Variants in CDH8 observed in about 807,000 individuals in gnomAD.
The protein encoded by CDH8 is cadherin 8.
CDH8 carries 17 observed loss-of-function variants against 68.1 expected under a neutral mutation model. The observed-to-expected ratio is 0.25, with a 90% CI of 0.17 to 0.37. CDH8 has a LOEUF of 0.37. CDH8 is among the 10% of genes least tolerant of loss of function. The pLI, the probability that CDH8 is intolerant of heterozygous loss-of-function variation, is 1.00. For synonymous variants in CDH8, 372 were observed against 365.1 expected, an observed-to-expected ratio of 1.02 and a Z score of -0.21; for missense variants, 763 against 999.3, an observed-to-expected ratio of 0.76 and a Z score of 3.19.
intron 4 of CDH8, among the ~76,000 whole-genome samples, chr16:61,827,056 G>A (rs899483597): frequency 6.6e-6 from 1 of 151,810 alleles, no homozygotes; most frequent in Admixed American, 6.6e-5. Context: ...TCTGAGGCAT[G>A]TTTGAGAAGA....
chr16:61,945,391 C>T (rs533478193), intron 2 of CDH8, among the ~76,000 whole-genome samples: 121 of 146,986 alleles, frequency 8.2e-4, no homozygotes, highest in Admixed American at 7.9e-3. Flanking sequence ...AAGCCTCAAT[C>T]AGTCCTGCCA....
chr16:61,757,667 A>C (rs1225818409), intron 8 of CDH8, among the ~76,000 whole-genome samples: 1 of 152,116 alleles, frequency 6.6e-6, no homozygotes, highest in Non-Finnish European at 1.5e-5. Context: ...GGGGTACTTC[A>C]TCTTGGAATG....
rs1157007174 is a variant in CDH8 at position 61,904,108 on chromosome 16, A to G, written c.253-2635T>C. ...TCATCCTATTATTTGTATCACACAC[A>G]CTGACACACACAGACATGTACATAC... On this transcript the variant is annotated intron_variant, in intron 2 of 11. Coordinates refer to ENST00000577390, the MANE Select transcript of CDH8 (RefSeq NM_001796.5). Among the ~76,000 whole-genome samples, 3 of 152,336 alleles carry G rather than the reference A, an allele frequency of 2.0e-5. No individual in the cohort carries two copies. The East Asian group carries it at 5.8e-4, about 29-fold the overall frequency.
At chr16:61,854,625 C>T (rs1454345476) in intron 4 of CDH8, among the ~76,000 whole-genome samples, 2 of 152,126 alleles carry the variant, frequency 1.3e-5, no homozygotes, top group Non-Finnish European at 2.9e-5. Flanking sequence ...AACTAATACA[C>T]ATCTTTTGTT....
intron 10 of CDH8, among the ~76,000 whole-genome samples, chr16:61,689,411 G>A (rs75772406): frequency 0.029 from 4,476 of 152,030 alleles, 94 homozygotes; most frequent in South Asian, 0.049. Context: ...ATTAGTGTCA[G>A]CCAAACTCTA....
chr16:61,961,811 T>G (rs1965158812), intron 2 of CDH8, among the ~76,000 whole-genome samples: 3 of 152,234 alleles, frequency 2.0e-5, no homozygotes, highest in East Asian at 1.9e-4. Flanking sequence ...ATTTTTAAAT[T>G]TATTAAAAAG....
At chr16:61,788,284 C>T (rs1196867597) in intron 8 of CDH8, among the ~76,000 whole-genome samples, 1 of 152,166 alleles carries the variant, frequency 6.6e-6, no homozygotes, top group East Asian at 1.9e-4. Flanking sequence ...GATATTTCCC[C>T]TGTTTTCACA....
intron 10 of CDH8, among the ~76,000 whole-genome samples, chr16:61,660,567 A>G (rs1194421360): frequency 6.6e-6 from 1 of 152,108 alleles, no homozygotes. Flanking sequence ...TGAATTAAAA[A>G]AAATAGTCTA....
At chr16:61,772,446 T>G (rs2142987311) in intron 8 of CDH8, among the ~76,000 whole-genome samples, 1 of 152,156 alleles carries the variant, frequency 6.6e-6, no homozygotes, top group South Asian at 2.1e-4. Context: ...TCTGGTATTT[T>G]TATTAGATGA....
chr16:61,925,391 C>T (rs1026747580), intron 2 of CDH8, among the ~76,000 whole-genome samples: 1 of 152,142 alleles, frequency 6.6e-6, no homozygotes, highest in Non-Finnish European at 1.5e-5. Context: ...AAGAATTAAT[C>T]TCAATAAAAT....
At chr16:61,801,838 T>G (rs567446273) in intron 7 of CDH8, among the ~76,000 whole-genome samples, 184 of 152,100 alleles carry the variant, frequency 1.2e-3, no homozygotes, top group African/African-American at 1.3e-3. Flanking sequence ...CTCGCTGATT[T>G]CTAGCACAGC....
intron 10 of CDH8, among the ~76,000 whole-genome samples, chr16:61,682,806 C>T (rs1964038848): frequency 6.6e-6 from 1 of 151,918 alleles, no homozygotes; most frequent in Admixed American, 6.6e-5. Flanking sequence ...CTGGAATCAG[C>T]AGTTTGCCAG....
At chr16:61,927,106 T>C (rs1238888989) in intron 2 of CDH8, among the ~76,000 whole-genome samples, 1 of 152,176 alleles carries the variant, frequency 6.6e-6, no homozygotes, top group Non-Finnish European at 1.5e-5. Flanking sequence ...GTAGAAAGAA[T>C]ATGGGTTTTG....
chr16:61,717,092 T>C (rs1293332178), intron 9 of CDH8, among the ~76,000 whole-genome samples: 1 of 151,618 alleles, frequency 6.6e-6, no homozygotes, highest in Non-Finnish European at 1.5e-5. Flanking sequence ...GGCAATAATA[T>C]AAAAATTTCT....
chr16:61,691,427 A>G (rs939647727), intron 10 of CDH8, among the ~76,000 whole-genome samples: 16 of 151,004 alleles, frequency 1.1e-4, no homozygotes, highest in African/African-American at 3.9e-4. Context: ...CCTCCATCTC[A>G]TTATCCCTAT....
intron 2 of CDH8, among the ~76,000 whole-genome samples, chr16:61,990,969 AAG>A (rs551197367): frequency 3.4e-4 from 50 of 148,960 alleles, no homozygotes; most frequent in Admixed American, 1.8e-3. Flanking sequence ...GAAAGAAAGA[AAG>A]AGAAAGAAAG....
rs4581688 is a variant in CDH8, at chr16:61,652,944, T to C, written c.*664A>G. 153,402 of 1,525,724 alleles carry C rather than the reference T, an allele frequency of 0.1. 8,274 individuals carry two copies. Among genetic ancestry groups the C allele is most frequent in the East Asian group, 0.12 (4,722 of 40,706 alleles). The allele number at this position is 1,525,724 out of a possible 1,614,324, so 94.5% of individuals were successfully genotyped here. A position where few individuals can be genotyped will look rare whatever the true frequency, so the allele number is the denominator to read the frequency against. Reference sequence around the variant, plus strand: ...AATGGGATTTCTCTCCTCCCACCACTGAATTGGCAAGCCCCACCCTGGAAT... The same window carrying C: ...AATGGGATTTCTCTCCTCCCACCACCGAATTGGCAAGCCCCACCCTGGAAT... On this transcript the variant is annotated 3_prime_UTR_variant, in exon 12 of 12. Coordinates refer to ENST00000577390, the MANE Select transcript of CDH8 (RefSeq NM_001796.5).
intron 2 of CDH8, among the ~76,000 whole-genome samples, chr16:61,955,599 T>C (rs1964973357): frequency 1.3e-5 from 2 of 152,192 alleles, no homozygotes; most frequent in African/African-American, 4.8e-5. Context: ...TCTACTTTCT[T>C]AATTTTTTCT....
At chr16:61,724,345 T>C (rs1959280941) in intron 9 of CDH8, among the ~76,000 whole-genome samples, 1 of 150,822 alleles carries the variant, frequency 6.6e-6, no homozygotes, top group Non-Finnish European at 1.5e-5. Flanking sequence ...TCTGACTGTG[T>C]TTAGATGAGT....
Sources: allele counts gnomAD v4.1 joint callset (sites outside exome capture counted in the v4.1 genomes callset), GRCh38; gene constraint gnomAD v4.1.1; transcripts MANE v1.5; gene names NCBI Gene and HGNC (gene_info 2026-07-23, HGNC 2026-07-21).